The following FCSK variants were observed in gnomAD, a reference collection of about 807,000 sequenced individuals.
FCSK encodes L-fucose kinase.
In FCSK, 123 loss-of-function variants were observed where a neutral mutation model predicts 122.5. The observed-to-expected ratio is 1.00, with a 90% CI of 0.87 to 1.17. The LOEUF is 1.17. Ranked by LOEUF, FCSK falls within the 50% of genes most tolerant of loss-of-function variation. The probability of loss-of-function intolerance (pLI) is 0.00; values close to 1 mark genes in which losing one functional copy is unlikely to be tolerated. For synonymous variants in FCSK, 620 were observed against 625.5 expected (o/e 0.99, Z 0.13); for missense variants, 1,366 against 1,450.4 (o/e 0.94, Z 0.95).
In FCSK at chr16:70,465,128, G is replaced by A; in HGVS notation, c.237G>A (p.Val79=). The A allele has an allele frequency of 1.2e-6, 2 of 1,613,852 alleles. No homozygotes were observed. The part of the protein sequence containing the change: ...EHLSARAGFT[V]VTSDVLHSAW... ...ACAGGGCTTTCCCACTCCTGCAGGT[G>A]GTCACATCCGATGTCCTGCACTCGG... The change falls in exon 4 of 24, where the codon GTG becomes GTA. Residue 79 remains valine (V), a splice_region_variant and synonymous_variant. Coordinates refer to ENST00000288078, the MANE Select transcript of FCSK (RefSeq NM_145059.3).
chr16:70,474,830 C>T lies in FCSK; in HGVS notation c.2196C>T (p.Gly732=), dbSNP rs368715754. Residue 732 remains glycine (G), a synonymous_variant, in exon 18 of 24, where the codon GGC becomes GGT. Transcript: ENST00000288078. ...SDTPPLAYEL[G]GAVLGLAVRV... ...CGCCACCCCTTGCCTATGAGCTTGG[C>T]GGGGCTGTGCTGGGCCTGGCTGTGC... 182 of 1,591,342 alleles carry T rather than the reference C, an allele frequency of 1.1e-4. No homozygotes were observed. Among genetic ancestry groups the T allele is most frequent in the African/African-American group, 5.4e-5 (4 of 74,534 alleles).
rs1405096068 is a variant in FCSK at position 70,474,788 on chromosome 16, A to G, written c.2156-2A>G. The G allele has an allele frequency of 6.4e-7, 1 of 1,567,662 alleles. No homozygotes were observed. Among genetic ancestry groups the G allele is most frequent in the Non-Finnish European group, 8.7e-7 (1 of 1,156,064 alleles). On this transcript the variant is annotated splice_acceptor_variant, in intron 17 of 23. Coordinates refer to ENST00000288078, the MANE Select transcript of FCSK (RefSeq NM_145059.3). LOFTEE classifies it high-confidence loss of function. ...AGCTTGAGTCTTGCCACACTGCCATAGGGGGCTGGAGTGACACGCCACCCC... is the reference window on the plus strand; with the variant it reads ...AGCTTGAGTCTTGCCACACTGCCATGGGGGGCTGGAGTGACACGCCACCCC...
intron 1 of FCSK, among the ~76,000 whole-genome samples, chr16:70,462,904 C>A (rs2048312104): frequency 6.6e-6 from 1 of 152,144 alleles, no homozygotes; most frequent in Non-Finnish European, 1.5e-5. Context: ...CTCAGCCTCC[C>A]AAAGTGCTAG....
At position 70,470,428 on chromosome 16, in the gene FCSK, T is replaced by TCTCACCTCCACCTGG; in HGVS notation, c.1068+2_1068+3insCTCACCTCCACCTGG. 1 of 1,589,570 alleles carries TCTCACCTCCACCTGG rather than the reference T, an allele frequency of 6.3e-7. No homozygotes were observed. Among genetic ancestry groups the TCTCACCTCCACCTGG allele is most frequent in the Non-Finnish European group, 8.6e-7 (1 of 1,159,390 alleles). ...CAGATTGTGCACTCCCAGGTGGAGG[T>TCTCACCTCCACCTGG]GAGACCTCCCTGCCCCTCCGGTGCC... On this transcript the variant is annotated splice_region_variant and intron_variant, in intron 11 of 23. Transcript: ENST00000288078.
In FCSK at chr16:70,470,317, A is replaced by G. The variant is rs749801352; in HGVS notation, c.959A>G (p.Tyr320Cys). Reference sequence around the variant, plus strand: ...TTCAGTACTTATGTCTTTACAGCCTATGTCTCCAGCGGCAGCTACAGCTAC... The same window carrying G: ...TTCAGTACTTATGTCTTTACAGCCTGTGTCTCCAGCGGCAGCTACAGCTAC... ...ELRDQPLTMA[Y>C]VSSGSYSYMT... Residue 320 changes from tyrosine to cysteine, a missense_variant, in exon 11 of 24, where the codon TAT becomes TGT. Tyr to Cys is a radical substitution (Grantham distance 194, BLOSUM62 -2). Coordinates refer to ENST00000288078, the MANE Select transcript of FCSK (RefSeq NM_145059.3). The G allele has an allele frequency of 2.9e-5, 47 of 1,610,846 alleles. No homozygotes were observed. The highest frequency in any genetic ancestry group is 6.6e-5 in the South Asian group (6 of 90,996).
Position 70,466,887 on chromosome 16 carries a change from C to T in FCSK, c.417C>T (p.Gly139=). ...CTGTCTCCTTCCCCCCACAGCTGGG[C>T]CCGGGCTCCCCGCCAGGCGTGTGGG... is the stretch of plus-strand genomic sequence containing the variant. The part of the protein sequence containing the change: ...CLLDIMTYRL[G]PGSPPGVWVC... The change falls in exon 6 of 24, where the codon GGC becomes GGT. Residue 139 remains glycine, a synonymous_variant. Coordinates refer to ENST00000288078, the MANE Select transcript of FCSK (RefSeq NM_145059.3). 1 of 1,613,242 alleles carries T rather than the reference C, an allele frequency of 6.2e-7. No homozygotes were observed. The highest frequency in any genetic ancestry group is 8.5e-7 in the Non-Finnish European group (1 of 1,179,784).
chr16:70,478,171 T>G, intron 20 of FCSK, 101 bp from the exon 21 acceptor site: 1 of 1,195,646 alleles, frequency 8.4e-7, no homozygotes, highest in Non-Finnish European at 1.2e-6. Flanking sequence ...AAGCTATCTT[T>G]CCACACTGGT....
rs567361635 is a variant in FCSK at position 70,477,906 on chromosome 16, C to T, written c.2642-366C>T. 3.4e-5 allele frequency: 7 copies of T among 207,432 alleles called. No homozygotes were observed. The South Asian group carries it at 4.8e-4, about 14-fold the overall frequency. The allele number at this position is 207,432 out of a possible 1,614,324, so 12.8% of individuals were successfully genotyped here. On this transcript the variant is annotated intron_variant, in intron 20 of 23. Transcript: ENST00000288078. ...CCATGTTGGCCAGGTTGGTCTCAAA[C>T]TCCTGACCTCAAATGATCTGCCCGC...
chr16:70,469,079 C>T, intron 9 of FCSK, 73 bp from the exon 10 acceptor site: 1 of 1,608,252 alleles, frequency 6.2e-7, no homozygotes, highest in Non-Finnish European at 8.5e-7. Flanking sequence ...ACGGGACTGC[C>T]CTGGTTCAGC....
Position 70,474,815 on chromosome 16 carries a change from T to G in FCSK, c.2181T>G (p.Leu727=), listed in dbSNP as rs1285317351. ...FSGGWSDTPP[L]AYELGGAVLG... ...GGGGCTGGAGTGACACGCCACCCCT[T>G]GCCTATGAGCTTGGCGGGGCTGTGC... The change falls in exon 18 of 24, where the codon CTT becomes CTG. Residue 727 remains leucine, a synonymous_variant. Coordinates refer to ENST00000288078, the MANE Select transcript of FCSK (RefSeq NM_145059.3). 2 of 1,586,556 alleles carry G rather than the reference T, an allele frequency of 1.3e-6. No individual in the cohort carries two copies. The highest frequency in any genetic ancestry group is 1.7e-6 in the Non-Finnish European group (2 of 1,166,660).
At chr16:70,476,860 TGAG>T (rs1168757397) in intron 20 of FCSK, among the ~76,000 whole-genome samples, 1 of 152,214 alleles carries the variant, frequency 6.6e-6, no homozygotes, top group Non-Finnish European at 1.5e-5. Flanking sequence ...AACTATTTGT[TGAG>T]AACCCACTCT....
rs755902729 is a variant in FCSK at position 70,475,479 on chromosome 16, A to C, written c.2507A>C (p.His836Pro). ...FELHTWSELP[H>P]GSGLGTSSIL... ...CTGCACACCTGGTCTGAGCTGCCCC[A>C]CGGCTCTGGCCTGGGTGAGCGGGCC... The change falls in exon 19 of 24, where the codon CAC becomes CCC. Residue 836 changes from histidine (H) to proline (P), a missense_variant. Transcript: ENST00000288078. 1.4e-5 allele frequency: 22 copies of C among 1,603,906 alleles called. No homozygotes were observed. In the South Asian group the frequency reaches 2.0e-4, roughly 14 times the overall value.
At chr16:70,465,950 C>T (rs891697136) in intron 4 of FCSK, among the ~76,000 whole-genome samples, 182 bp from the exon 5 acceptor site, 4 of 152,074 alleles carry the variant, frequency 2.6e-5, no homozygotes, top group African/African-American at 9.7e-5. Context: ...AAGACTTAGT[C>T]TAAAAAATTG....
Position 70,475,850 on chromosome 16 carries a change from CA to C in FCSK, c.2641+84del, listed in dbSNP as rs1365481472. The C allele has an allele frequency of 3.6e-6, 5 of 1,380,910 alleles. No homozygotes were observed. In the East Asian group the frequency reaches 7.5e-5, roughly 21 times the overall value. 85.5% of individuals were successfully genotyped at this position (1,380,910 alleles called of 1,614,324 possible). ...GGGGAGTGGGGCTCCCCTGGATTTG[CA>C]TGTGATTGGCCAACAGCCACAAGAC... On this transcript the variant is annotated intron_variant, in intron 20 of 23. Transcript: ENST00000288078.
At chr16:70,460,401 G>A (rs541555781) in intron 1 of FCSK, among the ~76,000 whole-genome samples, 11 of 148,296 alleles carry the variant, frequency 7.4e-5, no homozygotes, top group African/African-American at 2.7e-4. Flanking sequence ...GTGAGCCACC[G>A]TGCCTGGACT....
chr16:70,461,041 G>T (rs17881316), intron 1 of FCSK, among the ~76,000 whole-genome samples: 18,309 of 152,234 alleles, frequency 0.12, 3,655 homozygotes, highest in African/African-American at 0.41. Context: ...GGATTTCCCT[G>T]CTGGGCTGAG....
rs1380850849 is a variant in FCSK at position 70,473,302 on chromosome 16, G to T, written c.1726G>T (p.Ala576Ser). 20 of 1,524,092 alleles carry T rather than the reference G, an allele frequency of 1.3e-5. No individual in the cohort carries two copies. Among genetic ancestry groups the T allele is most frequent in the Non-Finnish European group, 1.8e-5 (20 of 1,135,232 alleles). The allele number at this position is 1,524,092 out of a possible 1,614,324, so 94.4% of individuals were successfully genotyped here. The change falls in exon 15 of 24, where the codon GCT becomes TCT. Residue 576 changes from alanine (A) to serine (S), a missense_variant. Ala to Ser is a moderately conservative substitution (Grantham distance 99, BLOSUM62 1). Transcript: ENST00000288078. The surrounding 1 kb of genome is among the most constrained non-coding windows in gnomAD (Gnocchi z 4.9). Reference sequence around the variant, plus strand: ...CCTCAGCCTGCGCCCGCTGATCTGGGCTGCTGTCCGCGAGGGCTGCCCCGG... The same window carrying T: ...CCTCAGCCTGCGCCCGCTGATCTGGTCTGCTGTCCGCGAGGGCTGCCCCGG... ...QDLSLRPLIW[A>S]AVREGCPGPL...
chr16:70,459,517 G>A (rs932263658), intron 1 of FCSK, among the ~76,000 whole-genome samples: 2 of 152,010 alleles, frequency 1.3e-5, no homozygotes, highest in South Asian at 2.1e-4. Context: ...CAGCCTGGGG[G>A]ATACAGTAAG....
At chr16:70,467,169 CT>C (rs1240514191) in intron 6 of FCSK, 2 of 631,876 alleles carry the variant, frequency 3.2e-6, no homozygotes, top group South Asian at 3.7e-5. Flanking sequence ...AGCCCTGCCC[CT>C]TCTGTCCCAC....
Sources: gnomAD v4.1 joint callset for allele counts (sites outside exome capture counted in the v4.1 genomes callset) on GRCh38, gnomAD v4.1.1 for gene constraint, Gnocchi (gnomAD v3.1) non-coding constraint, MANE v1.5 for transcripts, NCBI Gene and HGNC (gene_info 2026-07-23, HGNC 2026-07-21) for gene names.